The following SLC25A18 variants were observed in gnomAD, a reference collection of about 807,000 sequenced individuals.
The protein encoded by SLC25A18 is mitochondrial glutamate carrier 2.
In SLC25A18, 24 loss-of-function variants were observed where a neutral mutation model predicts 31.1. That is an observed-to-expected ratio of 0.77 (90% CI 0.56 to 1.08). The LOEUF is 1.08. SLC25A18 is among the 50% of genes least tolerant of loss of function. SLC25A18 has a pLI of 0.00. For synonymous variants in SLC25A18, 173 were observed against 161.9 expected (o/e 1.07, Z -0.52); for missense variants, 371 against 418.5 (o/e 0.89, Z 0.99).
chr22:17,568,555 C>CTT (rs695361), intron 1 of SLC25A18, among the ~76,000 whole-genome samples: 19,690 of 62,560 alleles, frequency 0.31, 7,260 homozygotes, highest in African/African-American at 0.33. Flanking sequence ...TAAAGTACAT[C>CTT]TTTTTTTTTT....
At chr22:17,579,635 C>T in intron 2 of SLC25A18, 110 bp from the exon 3 acceptor site, 1 of 875,824 alleles carries the variant, frequency 1.1e-6, no homozygotes, top group Non-Finnish European at 1.5e-6. Context: ...ATCCCAAAGT[C>T]CAAAAGGTTT....
At chr22:17,577,124 G>A (rs1047401605) in intron 2 of SLC25A18, among the ~76,000 whole-genome samples, 20 of 152,128 alleles carry the variant, frequency 1.3e-4, no homozygotes, top group Non-Finnish European at 1.9e-4. Flanking sequence ...CCGGGTTCAC[G>A]CCATTCTCCT....
At chr22:17,587,354 G>T in intron 8 of SLC25A18, 53 bp downstream of exon 8, 1 of 1,550,172 alleles carries the variant, frequency 6.5e-7, no homozygotes, top group Non-Finnish European at 8.7e-7. Flanking sequence ...GGGCACGAGG[G>T]CCAGAGAGCT....
intron 10 of SLC25A18, 135 bp downstream of exon 10, chr22:17,589,800 C>G (rs1310579661): frequency 1.2e-6 from 1 of 841,666 alleles, no homozygotes; most frequent in Non-Finnish European, 1.9e-6. Flanking sequence ...CCTCACCTCT[C>G]AAAGAAAACA....
At chr22:17,572,075 T>A (rs1047922100) in intron 2 of SLC25A18, among the ~76,000 whole-genome samples, 4 of 148,882 alleles carry the variant, frequency 2.7e-5, no homozygotes, top group Non-Finnish European at 5.9e-5. Context: ...TAATCCCAGC[T>A]ACTCAGGAAG....
chr22:17,572,708 C>T (rs2057127543), intron 2 of SLC25A18, among the ~76,000 whole-genome samples: 4 of 124,402 alleles, frequency 3.2e-5, no homozygotes, highest in African/African-American at 1.4e-4. Context: ...GTGGCGCGAT[C>T]TCGGCTCACT....
intron 3 of SLC25A18, chr22:17,580,836 T>G (rs1406625998): frequency 7.6e-7 from 1 of 1,314,128 alleles, no homozygotes; most frequent in Non-Finnish European, 9.7e-7. Flanking sequence ...CTTCCCGGGT[T>G]GCAGCAAGAT....
At position 17,563,572 on chromosome 22, in the gene SLC25A18, A is replaced by G. The variant is rs1270521895; in HGVS notation, c.-405A>G. ...AAGCTGGACAGAATTTTTAAAAGCA[A>G]TGAAGCCAGTTCCTTGGATATATCC... On this transcript the variant is annotated 5_prime_UTR_variant, in exon 1 of 11. An upstream start codon of the reference 5' UTR is lost. Coordinates refer to ENST00000327451, the MANE Select transcript of SLC25A18 (RefSeq NM_031481.3). The G allele has an allele frequency of 5.9e-6, 4 of 676,928 alleles. No individual in the cohort carries two copies. The highest frequency in any genetic ancestry group is 7.3e-6 in the Non-Finnish European group (4 of 548,380). 41.9% of individuals were successfully genotyped at this position (676,928 alleles called of 1,614,324 possible).
rs2146259272 is a variant in SLC25A18 at position 17,583,412 on chromosome 22, A to G, written c.291-4A>G. On this transcript the variant is annotated splice_region_variant and splice_polypyrimidine_tract_variant and intron_variant, in intron 6 of 10. Transcript: ENST00000327451. ...CTGAAGGAGCCTGACGCCTGTTCCC[A>G]TAGGATGCAGCGGAACCTGAAGATG... 2.5e-6 allele frequency: 4 copies of G among 1,613,882 alleles called. No individual in the cohort carries two copies. The highest frequency in any genetic ancestry group is 3.4e-6 in the Non-Finnish European group (4 of 1,179,962).
In SLC25A18 at chr22:17,582,666, G is replaced by T. The variant is rs747921468; in HGVS notation, c.290+13G>T. On this transcript the variant is annotated intron_variant, in intron 6 of 10. Transcript: ENST00000327451. Reference sequence around the variant, plus strand: ...TCATGGAAGATGGGTATGGCCAGGTGGGGTGGGGTTGGATCCTTCACTGTG... The same window carrying T: ...TCATGGAAGATGGGTATGGCCAGGTTGGGTGGGGTTGGATCCTTCACTGTG... 1.3e-6 allele frequency: 2 copies of T among 1,591,692 alleles called. No homozygotes were observed. Among genetic ancestry groups the T allele is most frequent in the East Asian group, 2.3e-5 (1 of 44,432 alleles).
intron 9 of SLC25A18, chr22:17,589,249 C>T (rs71328218): frequency 0.017 from 3,560 of 204,610 alleles, 292 homozygotes; most frequent in Admixed American, 0.15. Flanking sequence ...GGTACAATCT[C>T]GGCTCACTGC....
At chr22:17,589,778 A>AGTCT in intron 10 of SLC25A18, 113 bp downstream of exon 10, 1 of 1,031,588 alleles carries the variant, frequency 9.7e-7, no homozygotes, top group Non-Finnish European at 1.5e-6. Flanking sequence ...GTTTCTTTGA[A>AGTCT]GTCTGTCTTT....
chr22:17,585,653 T>A (rs695484), intron 7 of SLC25A18, among the ~76,000 whole-genome samples: 78,371 of 127,530 alleles, frequency 0.61, 24,413 homozygotes, highest in South Asian at 0.77. Flanking sequence ...TATTATTATT[T>A]TTTTTTTTTT....
In SLC25A18 at chr22:17,569,980, A is replaced by C; in HGVS notation, c.-207A>C. On this transcript the variant is annotated 5_prime_UTR_variant, in exon 2 of 11. Transcript: ENST00000327451. The stretch of plus-strand genomic sequence containing the variant: ...CCAGAAAAGGCAGAGGTTCTTACCG[A>C]AAGCAGGTAAGTGTCTTGTCTGTCT... 1.0e-6 allele frequency: 1 copy of C among 985,484 alleles called. No individual in the cohort carries two copies. The highest frequency in any genetic ancestry group is 1.2e-6 in the Non-Finnish European group (1 of 829,958). The allele number at this position is 985,484 out of a possible 1,614,324, so 61.0% of individuals were successfully genotyped here. A position where few individuals can be genotyped will look rare whatever the true frequency, so the allele number is the denominator to read the frequency against.
chr22:17,583,410 C>T lies in SLC25A18; in HGVS notation c.291-6C>T. ...GGCTGAAGGAGCCTGACGCCTGTTC[C>T]CATAGGATGCAGCGGAACCTGAAGA... On this transcript the variant is annotated splice_region_variant and splice_polypyrimidine_tract_variant and intron_variant, in intron 6 of 10. Coordinates refer to ENST00000327451, the MANE Select transcript of SLC25A18 (RefSeq NM_031481.3). 1 of 1,613,940 alleles carries T rather than the reference C, an allele frequency of 6.2e-7. No individual in the cohort carries two copies. The highest frequency in any genetic ancestry group is 8.5e-7 in the Non-Finnish European group (1 of 1,180,002).
At chr22:17,582,438 G>A (rs1016631601) in intron 5 of SLC25A18, 125 bp from the exon 6 acceptor site, 5 of 626,226 alleles carry the variant, frequency 8.0e-6, no homozygotes, top group Admixed American at 6.4e-5. Flanking sequence ...TTAGGCTCAG[G>A]AGCCCCACCT....
At chr22:17,587,753 C>G in intron 8 of SLC25A18, 172 bp from the exon 9 acceptor site, 1 of 736,574 alleles carries the variant, frequency 1.4e-6, no homozygotes, top group Non-Finnish European at 2.2e-6. Context: ...GGCAACAGCT[C>G]TTTTGTCCCC....
At position 17,586,213 on chromosome 22, in the gene SLC25A18, T is replaced by G. The variant is rs545546708; in HGVS notation, c.410-923T>G. ...AATGGTGGAAAGCCACAAATTCTTT[T>G]TGTGTCTAGAAATCACCTAGGCTGG... On this transcript the variant is annotated intron_variant, in intron 7 of 10. Transcript: ENST00000327451. Among the ~76,000 whole-genome samples the G allele has an allele frequency of 3.7e-4, 57 of 152,320 alleles. No homozygotes were observed. In the South Asian group the frequency reaches 0.011, roughly 30 times the overall value.
chr22:17,582,392 T>G, intron 5 of SLC25A18, 171 bp from the exon 6 acceptor site: 4 of 506,072 alleles, frequency 7.9e-6, no homozygotes, highest in Non-Finnish European at 1.4e-5. Context: ...AAGGAGAATG[T>G]GGTAGGGAGT....
Sources: gnomAD v4.1 joint callset for allele counts (sites outside exome capture counted in the v4.1 genomes callset) on GRCh38, gnomAD v4.1.1 for gene constraint, MANE v1.5 for transcripts, NCBI Gene and HGNC (gene_info 2026-07-23, HGNC 2026-07-21) for gene names.